ADGRL3: variants seen among roughly 807,000 people sequenced by gnomAD.
The protein encoded by ADGRL3 is adhesion G protein-coupled receptor L3, also known as calcium-independent alpha-latrotoxin receptor 3.
ADGRL3 carries 62 observed loss-of-function variants against 153.5 expected under a neutral mutation model. That is an observed-to-expected ratio of 0.40 (90% CI 0.33 to 0.50). ADGRL3 has a LOEUF of 0.50. ADGRL3 is among the 20% of genes least tolerant of loss of function. The pLI, the probability that ADGRL3 is intolerant of heterozygous loss-of-function variation, is 0.47. For missense variants in ADGRL3, 1,641 were observed against 1,859.4 expected, an observed-to-expected ratio of 0.88 and a Z score of 2.16; for synonymous variants, 710 against 672.5, an observed-to-expected ratio of 1.06 and a Z score of -0.86.
rs1243705381 is a variant in ADGRL3 at position 61,892,509 on chromosome 4, T to A, written c.1481-147T>A. 6.5e-6 allele frequency: 4 copies of A among 618,872 alleles called. No individual in the cohort carries two copies. The East Asian group carries it at 1.1e-4, about 18-fold the overall frequency. The allele number at this position is 618,872 out of a possible 1,614,324, so 38.3% of individuals were successfully genotyped here. ...CCTTGGTATTGGCTTATTTTTGCCA[T>A]GTTTAAAATGAAAATCAGGTTGAAG... On this transcript the variant is annotated intron_variant, in intron 9 of 26. Transcript: ENST00000683033.
At chr4:61,909,463 G>T (rs2098711810) in intron 11 of ADGRL3, 97 bp from the exon 12 acceptor site, 2 of 763,832 alleles carry the variant, frequency 2.6e-6, no homozygotes, top group Non-Finnish European at 4.1e-6. Flanking sequence ...TTCTTGAATC[G>T]ATGATTACAA....
At chr4:61,713,483 A>C (rs2151508336) in intron 6 of ADGRL3, among the ~76,000 whole-genome samples, 1 of 152,036 alleles carries the variant, frequency 6.6e-6, no homozygotes, top group African/African-American at 2.4e-5. Flanking sequence ...CCCTTGATCT[A>C]ATTCTAGGTC....
At chr4:61,644,353 G>C (rs1346189945) in intron 5 of ADGRL3, among the ~76,000 whole-genome samples, 2 of 150,702 alleles carry the variant, frequency 1.3e-5, no homozygotes, top group African/African-American at 2.4e-5. Context: ...GTTTGCTCTT[G>C]CTTTTCTAGT....
rs187217389 is a variant in ADGRL3 at position 61,840,618 on chromosome 4, C to A, written c.1480+26729C>A. Reference sequence around the variant, plus strand: ...TGTTTTACTAGTTACTGTACTAGGGCCTTTGGGAGGTTATAATAAATGTAT... The same window carrying A: ...TGTTTTACTAGTTACTGTACTAGGGACTTTGGGAGGTTATAATAAATGTAT... On this transcript the variant is annotated intron_variant, in intron 9 of 26. Coordinates refer to ENST00000683033, the MANE Select transcript of ADGRL3 (RefSeq NM_001387552.1). Among the ~76,000 whole-genome samples, 12 of 152,110 alleles carry A rather than the reference C, an allele frequency of 7.9e-5. No homozygotes were observed. The East Asian group carries it at 2.3e-3, about 29-fold the overall frequency.
In ADGRL3 at chr4:61,901,476, A is replaced by G. The variant is rs564407346; in HGVS notation, c.1887+5642A>G. On this transcript the variant is annotated intron_variant, in intron 11 of 26. Transcript: ENST00000683033. ...CTTAGATCCAGCATGAAATGAAAAT[A>G]AATTGCTTCTTTATTTTATCAGAGA... is the stretch of plus-strand genomic sequence containing the variant. Among the ~76,000 whole-genome samples, 7 of 152,346 alleles carry G rather than the reference A, an allele frequency of 4.6e-5. No individual in the cohort carries two copies. In the South Asian group the frequency reaches 1.4e-3, roughly 32 times the overall value.
intron 6 of ADGRL3, among the ~76,000 whole-genome samples, chr4:61,689,319 C>T (rs771556039): frequency 6.6e-6 from 1 of 152,082 alleles, no homozygotes; most frequent in East Asian, 1.9e-4. Flanking sequence ...GGGCCATGTT[C>T]TTTTATTCCA....
At chr4:61,795,458 A>C (rs1365522545) in intron 8 of ADGRL3, among the ~76,000 whole-genome samples, 1 of 152,208 alleles carries the variant, frequency 6.6e-6, no homozygotes, top group African/African-American at 2.4e-5. Flanking sequence ...ATTAGACAGC[A>C]ACTACTGATT....
chr4:61,847,870 ATATAT>A (rs1362180944), intron 9 of ADGRL3, among the ~76,000 whole-genome samples: 2 of 18,148 alleles, frequency 1.1e-4, no homozygotes, highest in East Asian at 2.4e-3. Context: ...ATAATATAAA[ATATAT>A]TATATATAAT....
chr4:61,283,744 A>C (rs2093815912), intron 1 of ADGRL3, among the ~76,000 whole-genome samples: 2 of 152,102 alleles, frequency 1.3e-5, no homozygotes, highest in Middle Eastern at 6.8e-3. Flanking sequence ...CAGATCTCAG[A>C]GACTAAATTT....
At chr4:61,788,604 TC>T (rs2097304575) in intron 8 of ADGRL3, among the ~76,000 whole-genome samples, 1 of 152,028 alleles carries the variant, frequency 6.6e-6, no homozygotes, top group Non-Finnish European at 1.5e-5. Context: ...GAAAAACAAT[TC>T]TGGTAATTTA....
intron 2 of ADGRL3, among the ~76,000 whole-genome samples, chr4:61,441,940 T>C (rs964315232): frequency 1.3e-5 from 2 of 152,206 alleles, no homozygotes; most frequent in Non-Finnish European, 2.9e-5. Flanking sequence ...TTTGAATGGT[T>C]TCCTTCATAA....
intron 9 of ADGRL3, among the ~76,000 whole-genome samples, chr4:61,817,914 CAT>C (rs2097706345): frequency 6.6e-6 from 1 of 152,132 alleles, no homozygotes; most frequent in African/African-American, 2.4e-5. Context: ...TCCCACAACA[CAT>C]GAGAATTATG....
intron 4 of ADGRL3, among the ~76,000 whole-genome samples, chr4:61,538,025 G>C (rs1188613442): frequency 6.6e-6 from 1 of 152,054 alleles, no homozygotes; most frequent in Non-Finnish European, 1.5e-5. Flanking sequence ...TCCTTTGGAG[G>C]TCTCTAAATA....
intron 2 of ADGRL3, among the ~76,000 whole-genome samples, chr4:61,406,596 T>C (rs535005945): frequency 1.3e-5 from 2 of 152,042 alleles, no homozygotes; most frequent in South Asian, 4.1e-4. Flanking sequence ...GCTTATATTA[T>C]TTTAAATTTA....
At chr4:61,288,326 A>C (rs767366042) in intron 1 of ADGRL3, among the ~76,000 whole-genome samples, 8 of 151,914 alleles carry the variant, frequency 5.3e-5, no homozygotes, top group Admixed American at 2.6e-4. Context: ...TGTTTACTTA[A>C]TATTACTTCC....
intron 2 of ADGRL3, among the ~76,000 whole-genome samples, chr4:61,386,560 A>C (rs2096738803): frequency 1.3e-5 from 2 of 152,184 alleles, no homozygotes; most frequent in Admixed American, 6.5e-5. Flanking sequence ...AATTTTTACT[A>C]AACTTTGTGA....
intron 16 of ADGRL3, 98 bp downstream of exon 16, chr4:61,947,220 T>G: frequency 1.0e-6 from 1 of 983,644 alleles, no homozygotes; most frequent in Non-Finnish European, 1.5e-6. Context: ...TTTTTTCTAT[T>G]TGACATATAA....
chr4:61,513,280 A>T (rs2098473322), intron 3 of ADGRL3, among the ~76,000 whole-genome samples: 1 of 152,192 alleles, frequency 6.6e-6, no homozygotes, highest in Non-Finnish European at 1.5e-5. Flanking sequence ...AAAATTATAA[A>T]TCAGTATTGA....
At position 61,952,491 on chromosome 4, in the gene ADGRL3, A is replaced by G. The variant is rs191529259; in HGVS notation, c.2805+4215A>G. The stretch of plus-strand genomic sequence containing the variant: ...GAGACCCTGTCTCAAAAAAAAAAAA[A>G]AAACAATTTCATCCAAAATTTTATT... On this transcript the variant is annotated intron_variant, in intron 17 of 26. Transcript: ENST00000683033. Among the ~76,000 whole-genome samples, 19 of 152,192 alleles carry G rather than the reference A, an allele frequency of 1.2e-4. No homozygotes were observed. In the East Asian group the frequency reaches 2.7e-3, roughly 22 times the overall value.
Sources: allele counts gnomAD v4.1 joint callset (sites outside exome capture counted in the v4.1 genomes callset), GRCh38; gene constraint gnomAD v4.1.1; transcripts MANE v1.5; gene names NCBI Gene and HGNC (gene_info 2026-07-23, HGNC 2026-07-21).